Variants in USP8 observed in about 807,000 individuals in gnomAD.
The protein encoded by USP8 is ubiquitin specific peptidase 8.
In USP8, 27 loss-of-function variants were observed where a neutral mutation model predicts 130.0. That is an observed-to-expected ratio of 0.21 (90% CI 0.15 to 0.29). USP8 has a LOEUF of 0.29. Ranked by LOEUF, USP8 falls within the 10% of genes least tolerant of loss-of-function variation. USP8 has a pLI of 1.00. For missense variants in USP8, 1,029 were observed against 1,312.2 expected, an observed-to-expected ratio of 0.78 and a Z score of 3.33; for synonymous variants, 392 against 444.1, an observed-to-expected ratio of 0.88 and a Z score of 1.48.
chr15:50,486,232 C>G (rs1246863239), intron 12 of USP8, among the ~76,000 whole-genome samples: 1 of 152,070 alleles, frequency 6.6e-6, no homozygotes, highest in Non-Finnish European at 1.5e-5. Flanking sequence ...CCTGTAATTC[C>G]AGCACTTTGG....
rs559014062 is a variant in USP8 at position 50,490,620 on chromosome 15, A to G, written c.2234+95A>G. ...AGTATGTTAGTGTCAGGGAGTTGGA[A>G]ATTTCTGTGGATGGCTATACCAGCC... On this transcript the variant is annotated intron_variant, in intron 14 of 19. Transcript: ENST00000307179. 3.6e-5 allele frequency: 53 copies of G among 1,464,788 alleles called. No homozygotes were observed. In the South Asian group the frequency reaches 6.4e-4, roughly 18 times the overall value. The allele number at this position is 1,464,788 out of a possible 1,614,324, so 90.7% of individuals were successfully genotyped here.
chr15:50,451,402 C>G (rs372928013), intron 4 of USP8, among the ~76,000 whole-genome samples: 4 of 152,166 alleles, frequency 2.6e-5, no homozygotes, highest in South Asian at 4.2e-4. Flanking sequence ...CAGAGTGAGA[C>G]TCTGTCTCAA....
chr15:50,442,619 C>G (rs1268601517), intron 3 of USP8, among the ~76,000 whole-genome samples: 1 of 151,896 alleles, frequency 6.6e-6, no homozygotes, highest in East Asian at 1.9e-4. Flanking sequence ...GTGGCGGGCG[C>G]CTGTAATCCA....
chr15:50,479,893 G>A (rs2051703449), intron 10 of USP8, among the ~76,000 whole-genome samples: 1 of 151,886 alleles, frequency 6.6e-6, no homozygotes, highest in Non-Finnish European at 1.5e-5. Flanking sequence ...TGAGTAGCTG[G>A]GATTATAGGC....
intron 5 of USP8, among the ~76,000 whole-genome samples, chr15:50,459,555 G>T (rs2050913562): frequency 6.6e-6 from 1 of 152,086 alleles, no homozygotes. Flanking sequence ...CTCCACTCCA[G>T]CCTGGGCAAC....
chr15:50,434,099 A>G (rs557268143), intron 1 of USP8, among the ~76,000 whole-genome samples: 2 of 114,542 alleles, frequency 1.7e-5, no homozygotes, highest in Admixed American at 9.3e-5. Context: ...CTTGAAGCAT[A>G]AGGTTTTTTG....
intron 1 of USP8, among the ~76,000 whole-genome samples, chr15:50,428,393 A>G (rs192800069): frequency 6.6e-6 from 1 of 152,354 alleles, no homozygotes; most frequent in Admixed American, 6.5e-5. Context: ...CTGGGATTAC[A>G]GGCGTTAGCT....
At chr15:50,451,201 AGTTT>A (rs1203922388) in intron 4 of USP8, among the ~76,000 whole-genome samples, 1 of 152,156 alleles carries the variant, frequency 6.6e-6, no homozygotes, top group Non-Finnish European at 1.5e-5. Context: ...TGAGGCCAGG[AGTTT>A]GTGACCAGCC....
intron 12 of USP8, among the ~76,000 whole-genome samples, chr15:50,484,721 CA>C (rs1351728929): frequency 6.6e-6 from 1 of 151,998 alleles, no homozygotes; most frequent in Non-Finnish European, 1.5e-5. Flanking sequence ...TCATAATAGC[CA>C]AAAAATGGAA....
rs184865859 is a variant in USP8, at chr15:50,446,253, G to A, written c.250-3147G>A. Among the ~76,000 whole-genome samples the A allele has an allele frequency of 2.6e-3, 396 of 152,162 alleles. 2 individuals are homozygous for A. Among genetic ancestry groups the A allele is most frequent in the African/African-American group, 9.2e-3 (380 of 41,524 alleles). On this transcript the variant is annotated intron_variant, in intron 3 of 19. Coordinates refer to ENST00000307179, the MANE Select transcript of USP8 (RefSeq NM_005154.5). ...TCAATTATCATACTATTGAAATTTT[G>A]GAAGTATTTATATTTACTTTAACTG...
At chr15:50,470,844 C>G (rs1287217687) in intron 7 of USP8, among the ~76,000 whole-genome samples, 2 of 151,948 alleles carry the variant, frequency 1.3e-5, no homozygotes, top group African/African-American at 2.4e-5. Flanking sequence ...GTGATCCACC[C>G]GCCTCAGCCT....
At chr15:50,492,435 A>G (rs1363898654) in intron 14 of USP8, among the ~76,000 whole-genome samples, 1 of 152,182 alleles carries the variant, frequency 6.6e-6, no homozygotes, top group Non-Finnish European at 1.5e-5. Context: ...GAGATAATCT[A>G]TCTCAAGGTG....
intron 4 of USP8, among the ~76,000 whole-genome samples, chr15:50,456,637 G>A (rs1366138523): frequency 2.0e-5 from 3 of 151,986 alleles, no homozygotes; most frequent in African/African-American, 7.2e-5. Context: ...TGTAATCCCA[G>A]CACTTTGGGA....
intron 1 of USP8, among the ~76,000 whole-genome samples, chr15:50,433,134 T>C (rs62016947): frequency 0.15 from 22,893 of 151,894 alleles, 2,122 homozygotes; most frequent in Middle Eastern, 0.28. Flanking sequence ...CTCAGTTACT[T>C]GGGAGGCTGA....
At chr15:50,496,324 A>C (rs1267138297) in intron 17 of USP8, among the ~76,000 whole-genome samples, 2 of 152,036 alleles carry the variant, frequency 1.3e-5, no homozygotes, top group Non-Finnish European at 2.9e-5. Flanking sequence ...TACTAAAAAT[A>C]CAAAAAATTA....
rs1038776227 is a variant in USP8, at chr15:50,501,916, A to C, written c.*2828A>C. The C allele has an allele frequency of 1.3e-5, 2 of 152,142 alleles. No individual in the cohort carries two copies. Among genetic ancestry groups the C allele is most frequent in the Admixed American group, 6.6e-5 (1 of 15,266 alleles). 9.4% of individuals were successfully genotyped at this position (152,142 alleles called of 1,614,324 possible). A position where few individuals can be genotyped will look rare whatever the true frequency, so the allele number is the denominator to read the frequency against. On this transcript the variant is annotated 3_prime_UTR_variant, in exon 20 of 20. Coordinates refer to ENST00000307179, the MANE Select transcript of USP8 (RefSeq NM_005154.5). The stretch of plus-strand genomic sequence containing the variant: ...TGAAATTCAAATGTCAATGTCCTTA[A>C]AGTTTTATGGGAACACAGTCATGCT...
At chr15:50,496,946 C>T in intron 17 of USP8, 143 bp from the exon 18 acceptor site, 1 of 1,056,714 alleles carries the variant, frequency 9.5e-7, no homozygotes. Context: ...CACTAGATCA[C>T]AAGCTTTGGG....
chr15:50,462,561 G>A (rs1380708422), intron 6 of USP8, among the ~76,000 whole-genome samples: 1 of 152,138 alleles, frequency 6.6e-6, no homozygotes, highest in Non-Finnish European at 1.5e-5. Flanking sequence ...CTGGTCATAT[G>A]CAGTTGAAAA....
In USP8 at chr15:50,466,522, G is replaced by C. The variant is rs145001317; in HGVS notation, c.686+1331G>C. On this transcript the variant is annotated intron_variant, in intron 7 of 19. Coordinates refer to ENST00000307179, the MANE Select transcript of USP8 (RefSeq NM_005154.5). The stretch of plus-strand genomic sequence containing the variant: ...AGGCAGGAGAGTGGCATGAACCCGG[G>C]AGGCGGAGGTTGCAGTGAGCCGAGA... Among the ~76,000 whole-genome samples the C allele has an allele frequency of 3.9e-3, 592 of 151,838 alleles. 4 individuals are homozygous for C. Among genetic ancestry groups the C allele is most frequent in the African/African-American group, 0.014 (559 of 41,382 alleles).
Sources: gnomAD v4.1 joint callset for allele counts (sites outside exome capture counted in the v4.1 genomes callset) on GRCh38, gnomAD v4.1.1 for gene constraint, MANE v1.5 for transcripts, NCBI Gene and HGNC (gene_info 2026-07-23, HGNC 2026-07-21) for gene names.